The following EIF3H variants were observed in gnomAD, a reference collection of about 807,000 sequenced individuals.
EIF3H encodes the protein eukaryotic translation initiation factor 3 subunit H.
Under a neutral mutation model 44.2 loss-of-function variants are expected in EIF3H, and 26 were observed. That is an observed-to-expected ratio of 0.59 (90% CI 0.43 to 0.82). The LOEUF (loss-of-function observed/expected upper bound fraction) is 0.82. EIF3H is among the 40% of genes least tolerant of loss of function. The pLI, the probability that EIF3H is intolerant of heterozygous loss-of-function variation, is 0.00. For synonymous variants in EIF3H, 166 were observed against 151.9 expected (o/e 1.09, Z -0.68); for missense variants, 359 against 432.8 (o/e 0.83, Z 1.51).
chr8:116,658,978 G>C lies in EIF3H; in HGVS notation c.292C>G (p.Gln98Glu), dbSNP rs149561868. ...TEDDADFDEV[Q>E]YQMEMMRSLR... Reference sequence around the variant, plus strand: ...CTCCGCATCATTTCCATCTGATATTGGACTGGATGATGGGGAAGAGGAAAT... The same window carrying C: ...CTCCGCATCATTTCCATCTGATATTCGACTGGATGATGGGGAAGAGGAAAT... The change falls in exon 3 of 8, where the codon CAA becomes GAA. Residue 98 changes from glutamine (Q) to glutamate (E), a missense_variant and splice_region_variant. Around this residue, in one of 5 missense-constraint regions of EIF3H, gnomAD observed 91 missense variants for 164.6 expected, o/e 0.55. Coordinates refer to ENST00000521861, the MANE Select transcript of EIF3H (RefSeq NM_003756.3). The C allele has an allele frequency of 1.2e-6, 2 of 1,601,536 alleles. No homozygotes were observed. The highest frequency in any genetic ancestry group is 1.7e-6 in the Non-Finnish European group (2 of 1,174,804).
At position 116,655,984 on chromosome 8, in the gene EIF3H, G is replaced by C; in HGVS notation, c.579C>G (p.Thr193=). The C allele has an allele frequency of 6.2e-7, 1 of 1,613,254 alleles. No homozygotes were observed. Among genetic ancestry groups the C allele is most frequent in the South Asian group, 1.1e-5 (1 of 90,976 alleles). The change falls in exon 5 of 8, where the codon ACC becomes ACG. Residue 193 remains threonine (T), a synonymous_variant. Coordinates refer to ENST00000521861, the MANE Select transcript of EIF3H (RefSeq NM_003756.3). ...GCACTTCTTCAAACATGTACTCAAA[G>C]GTGATATTTGCTTTTTTCAATCTGT... ...SPEALKKANI[T]FEYMFEEVPI...
At chr8:116,705,720 A>G (rs1392583205) in intron 2 of EIF3H, among the ~76,000 whole-genome samples, 1 of 152,300 alleles carries the variant, frequency 6.6e-6, no homozygotes, top group Non-Finnish European at 1.5e-5. Flanking sequence ...CTAAGGAGAC[A>G]TAACCAGCGC....
chr8:116,650,145 T>C (rs1813364379), intron 5 of EIF3H, among the ~76,000 whole-genome samples: 1 of 152,172 alleles, frequency 6.6e-6, no homozygotes, highest in African/African-American at 2.4e-5. Flanking sequence ...TTATGACACA[T>C]TTTGCTTAAA....
At chr8:116,681,629 G>A (rs1714134062) in intron 2 of EIF3H, among the ~76,000 whole-genome samples, 2 of 139,570 alleles carry the variant, frequency 1.4e-5, no homozygotes, top group African/African-American at 5.6e-5. Flanking sequence ...TCGAGCCATT[G>A]CACTCCAGCC....
chr8:116,694,347 T>C (rs796246383), intron 2 of EIF3H, among the ~76,000 whole-genome samples: 5 of 152,328 alleles, frequency 3.3e-5, no homozygotes, highest in African/African-American at 1.2e-4. Context: ...ATTTCTTTCA[T>C]TATGAATAAG....
intron 1 of EIF3H, among the ~76,000 whole-genome samples, chr8:116,744,225 A>C (rs146010918): frequency 0.01 from 1,546 of 151,724 alleles, 27 homozygotes; most frequent in African/African-American, 0.034. Context: ...AAAAAAAAAA[A>C]AAACAAACAG....
intron 2 of EIF3H, among the ~76,000 whole-genome samples, chr8:116,675,599 T>G (rs560115394): frequency 6.6e-6 from 1 of 152,330 alleles, no homozygotes; most frequent in East Asian, 1.9e-4. Context: ...ATTTAAGCAC[T>G]GGAATTCTGT....
chr8:116,722,214 T>G (rs1814759505), intron 2 of EIF3H, among the ~76,000 whole-genome samples: 1 of 152,190 alleles, frequency 6.6e-6, no homozygotes, highest in Non-Finnish European at 1.5e-5. Flanking sequence ...TCTGATGATT[T>G]TATAAGGGGA....
chr8:116,690,775 A>G (rs1814161594), intron 2 of EIF3H, among the ~76,000 whole-genome samples: 1 of 152,206 alleles, frequency 6.6e-6, no homozygotes, highest in South Asian at 2.1e-4. Flanking sequence ...TACTATAATC[A>G]CACACAGCAA....
chr8:116,725,276 G>A (rs1385355643), intron 2 of EIF3H, among the ~76,000 whole-genome samples: 1 of 152,222 alleles, frequency 6.6e-6, no homozygotes, highest in South Asian at 2.1e-4. Flanking sequence ...GGGGATGAAA[G>A]AGGTGGAAAA....
intron 2 of EIF3H, among the ~76,000 whole-genome samples, chr8:116,673,987 G>A (rs1353474292): frequency 1.3e-5 from 2 of 148,690 alleles, no homozygotes; most frequent in East Asian, 2.0e-4. Context: ...GGAGAATGGC[G>A]TGAACCTGGG....
chr8:116,672,189 T>C (rs1813769239), intron 2 of EIF3H, among the ~76,000 whole-genome samples: 1 of 152,240 alleles, frequency 6.6e-6, no homozygotes, highest in Non-Finnish European at 1.5e-5. Flanking sequence ...TGTATTTCTT[T>C]GCTAAGTTTT....
At chr8:116,744,279 C>G (rs10112604) in intron 1 of EIF3H, among the ~76,000 whole-genome samples, 129,059 of 151,358 alleles carry the variant, frequency 0.85, 55,181 homozygotes, top group Middle Eastern at 0.89. Context: ...TTAAGTACCA[C>G]TTTAGGTACT....
chr8:116,749,191 A>C (rs966485222), intron 1 of EIF3H, among the ~76,000 whole-genome samples: 7 of 152,210 alleles, frequency 4.6e-5, no homozygotes, highest in Admixed American at 6.5e-5. Context: ...CAAATGTTTT[A>C]TACTTCAGCC....
chr8:116,725,319 T>C (rs1307162864), intron 2 of EIF3H, among the ~76,000 whole-genome samples: 6 of 152,196 alleles, frequency 3.9e-5, no homozygotes, highest in Non-Finnish European at 7.3e-5. Context: ...AGTTTGAGCT[T>C]TGCAAGATGA....
intron 5 of EIF3H, among the ~76,000 whole-genome samples, chr8:116,651,231 G>A (rs1264760330): frequency 6.6e-6 from 1 of 150,522 alleles, no homozygotes; most frequent in East Asian, 2.2e-4. Context: ...CTTGAACTAG[G>A]ATGGTGGCAG....
chr8:116,684,975 G>A (rs1437703577), intron 2 of EIF3H, among the ~76,000 whole-genome samples: 1 of 152,090 alleles, frequency 6.6e-6, no homozygotes, highest in Non-Finnish European at 1.5e-5. Flanking sequence ...TTATTCGTAA[G>A]GGATACTTCT....
At chr8:116,674,950 T>C (rs996285841) in intron 2 of EIF3H, among the ~76,000 whole-genome samples, 5 of 152,230 alleles carry the variant, frequency 3.3e-5, no homozygotes, top group Admixed American at 6.5e-5. Context: ...TTCTGCTTTT[T>C]TGTGTTAAAC....
At chr8:116,693,906 A>T (rs932353492) in intron 2 of EIF3H, among the ~76,000 whole-genome samples, 1 of 152,078 alleles carries the variant, frequency 6.6e-6, no homozygotes, top group African/African-American at 2.4e-5. Flanking sequence ...GCCTCAAGAG[A>T]TCCTTCTGCC....
Sources: allele counts gnomAD v4.1 joint callset (sites outside exome capture counted in the v4.1 genomes callset), GRCh38; gene constraint gnomAD v4.1.1; regional missense constraint gnomAD v4.1.1; transcripts MANE v1.5; gene names NCBI Gene and HGNC (gene_info 2026-07-23, HGNC 2026-07-21).